Variants in LRP1B observed in about 807,000 individuals in gnomAD.
The protein encoded by LRP1B is low-density lipoprotein receptor-related protein 1B.
Under a neutral mutation model 556.6 loss-of-function variants are expected in LRP1B, and 217 were observed. The observed-to-expected ratio is 0.39, with a 90% CI of 0.35 to 0.44. LRP1B has a LOEUF of 0.44. LRP1B is among the 20% of genes least tolerant of loss of function. The pLI is 1.00. For synonymous variants in LRP1B, 2,047 were observed against 1,865.8 expected (o/e 1.10, Z -2.50); for missense variants, 5,053 against 5,620.8 (o/e 0.90, Z 3.23).
At chr2:141,833,287 G>C (rs1171753377) in intron 1 of LRP1B, among the ~76,000 whole-genome samples, 1 of 151,486 alleles carries the variant, frequency 6.6e-6, no homozygotes, top group Non-Finnish European at 1.5e-5. Flanking sequence ...AGAGACATCA[G>C]GCTGGAAATT....
At chr2:140,887,889 G>A (rs2105195663) in intron 23 of LRP1B, among the ~76,000 whole-genome samples, 1 of 152,212 alleles carries the variant, frequency 6.6e-6, no homozygotes, top group Non-Finnish European at 1.5e-5. Context: ...CTAGGGCCGA[G>A]GGTAGGTATT....
intron 60 of LRP1B, among the ~76,000 whole-genome samples, chr2:140,468,819 T>G (rs1389543418): frequency 6.6e-6 from 1 of 152,224 alleles, no homozygotes; most frequent in African/African-American, 2.4e-5. Flanking sequence ...CGTTTTGGTT[T>G]TGGTGTTTGG....
At chr2:142,054,279 G>A (rs1214962662) in intron 1 of LRP1B, among the ~76,000 whole-genome samples, 1 of 152,004 alleles carries the variant, frequency 6.6e-6, no homozygotes, top group Non-Finnish European at 1.5e-5. Context: ...TATAATAGTG[G>A]GTATTGCTTA....
At chr2:141,750,540 A>T (rs1408074295) in intron 2 of LRP1B, among the ~76,000 whole-genome samples, 1 of 152,176 alleles carries the variant, frequency 6.6e-6, no homozygotes, top group Non-Finnish European at 1.5e-5. Context: ...AGCATTAGTC[A>T]GTATTTTATT....
intron 1 of LRP1B, among the ~76,000 whole-genome samples, chr2:142,030,840 T>G (rs1011989862): frequency 1.3e-5 from 2 of 151,892 alleles, no homozygotes; most frequent in African/African-American, 2.4e-5. Flanking sequence ...TCTAACTGTT[T>G]AGTACCAAGC....
At chr2:141,510,889 CACACACACACACACACACA>C (rs1316104985) in intron 2 of LRP1B, among the ~76,000 whole-genome samples, 3 of 17,432 alleles carry the variant, frequency 1.7e-4, no homozygotes, top group Non-Finnish European at 3.6e-4. Flanking sequence ...CACACACACA[CACACACACACACACACACA>C]CCCCACACAA....
chr2:140,948,337 C>G (rs1695603379), intron 20 of LRP1B, among the ~76,000 whole-genome samples: 1 of 152,070 alleles, frequency 6.6e-6, no homozygotes. Context: ...GTCGACCACT[C>G]TTAGATGAAT....
chr2:141,064,758 T>G (rs957231918), intron 7 of LRP1B, among the ~76,000 whole-genome samples: 1 of 151,986 alleles, frequency 6.6e-6, no homozygotes, highest in African/African-American at 2.4e-5. Flanking sequence ...GAGAAAAGTT[T>G]CATTCCTAGG....
At chr2:140,289,496 T>C (rs1308378207) in intron 84 of LRP1B, among the ~76,000 whole-genome samples, 1 of 152,056 alleles carries the variant, frequency 6.6e-6, no homozygotes, top group Non-Finnish European at 1.5e-5. Context: ...TAGTTTCAAA[T>C]CACATATGAA....
chr2:141,134,545 A>G (rs1701442777), intron 7 of LRP1B, among the ~76,000 whole-genome samples: 1 of 151,882 alleles, frequency 6.6e-6, no homozygotes. Flanking sequence ...CAGATTAAAT[A>G]TAACCTTCTC....
At chr2:140,692,409 C>G (rs1412312415) in intron 41 of LRP1B, among the ~76,000 whole-genome samples, 2 of 151,956 alleles carry the variant, frequency 1.3e-5, no homozygotes, top group African/African-American at 4.8e-5. Flanking sequence ...GTATATGAAC[C>G]ATTTCAAAAT....
chr2:140,903,328 AATG>A (rs1439774787), intron 22 of LRP1B, among the ~76,000 whole-genome samples, 163 bp from the exon 23 acceptor site: 1 of 152,154 alleles, frequency 6.6e-6, no homozygotes, highest in Non-Finnish European at 1.5e-5. Flanking sequence ...TTGGTATAGA[AATG>A]ATGATAGGAT....
At chr2:140,252,689 G>A (rs962416946) in intron 86 of LRP1B, among the ~76,000 whole-genome samples, 4 of 151,800 alleles carry the variant, frequency 2.6e-5, no homozygotes, top group Non-Finnish European at 5.9e-5. Context: ...ATTTTTTTCC[G>A]TTGTAAAAGT....
At position 141,620,057 on chromosome 2, in the gene LRP1B, A is replaced by G. The variant is rs145016959; in HGVS notation, c.206-139524T>C. ...AACCTGGAACTCCTGGGCTCAAGCA[A>G]TCCTCCCACCTTGGCCTCCTGAGTA... On this transcript the variant is annotated intron_variant, in intron 2 of 90. Coordinates refer to ENST00000389484, the MANE Select transcript of LRP1B (RefSeq NM_018557.3). 4.4e-3 allele frequency among the ~76,000 whole-genome samples: 676 copies of G among 152,276 alleles called. 7 individuals are homozygous for G. The highest frequency in any genetic ancestry group is 0.015 in the African/African-American group (609 of 41,556).
Position 140,867,766 on chromosome 2 carries a change from T to C in LRP1B, c.4403A>G (p.Tyr1468Cys), listed in dbSNP as rs1692995960. 3 of 1,610,202 alleles carry C rather than the reference T, an allele frequency of 1.9e-6. No individual in the cohort carries two copies. The change falls in exon 27 of 91, where the codon TAC (tyrosine) becomes TGC (cysteine). Residue 1468 changes from tyrosine to cysteine, a missense_variant. Coordinates refer to ENST00000389484, the MANE Select transcript of LRP1B (RefSeq NM_018557.3). ...NMIEIIRGHEYLSHPFAVSLY... is the reference protein window; with the variant it reads ...NMIEIIRGHECLSHPFAVSLY... Reference sequence around the variant, plus strand: ...AGACACAGCAAAGGGATGGGAAAGGTATTCATGACCTCGGATGATTTCTAT... The same window carrying C: ...AGACACAGCAAAGGGATGGGAAAGGCATTCATGACCTCGGATGATTTCTAT...
At chr2:141,953,569 C>G (rs1167119929) in intron 1 of LRP1B, among the ~76,000 whole-genome samples, 1 of 151,920 alleles carries the variant, frequency 6.6e-6, no homozygotes, top group Admixed American at 6.6e-5. Context: ...ACTTTGTGAG[C>G]ACTCAGGAAA....
At chr2:140,650,309 TTTTATTTATTTATTTATTTATTTA>T (rs67816685) in intron 41 of LRP1B, among the ~76,000 whole-genome samples, 40 of 137,984 alleles carry the variant, frequency 2.9e-4, no homozygotes, top group African/African-American at 8.9e-4. Flanking sequence ...TTATTTTTAT[TTTTATTTATTTATTTATTTATTTA>T]TTTATTTATT....
chr2:140,664,213 G>A (rs149959794), intron 41 of LRP1B, among the ~76,000 whole-genome samples: 88 of 152,282 alleles, frequency 5.8e-4, no homozygotes, highest in African/African-American at 1.9e-3. Flanking sequence ...TTACCAAAAT[G>A]TAACAAAGGT....
At chr2:140,909,490 T>A (rs1694354112) in intron 21 of LRP1B, among the ~76,000 whole-genome samples, 1 of 151,618 alleles carries the variant, frequency 6.6e-6, no homozygotes, top group South Asian at 2.1e-4. Flanking sequence ...CTAAAATACA[T>A]TTGATATTCA....
Sources: gnomAD v4.1 joint callset for allele counts (sites outside exome capture counted in the v4.1 genomes callset) on GRCh38, gnomAD v4.1.1 for gene constraint, MANE v1.5 for transcripts, NCBI Gene and HGNC (gene_info 2026-07-23, HGNC 2026-07-21) for gene names.